DOK6: variants seen among roughly 807,000 people sequenced by gnomAD.
The protein encoded by DOK6 is downstream of tyrosine kinase 6.
A neutral mutation model predicts 44.0 loss-of-function variants in DOK6; 22 were observed. That is an observed-to-expected ratio of 0.50 (90% confidence interval 0.36 to 0.71). The LOEUF is 0.71. Among genes scored for constraint, DOK6 ranks in the 30% least tolerant of loss-of-function variants. DOK6 has a pLI of 0.00. For missense variants in DOK6, 340 were observed against 416.4 expected, an observed-to-expected ratio of 0.82 and a Z score of 1.60; for synonymous variants, 166 against 145.5, an observed-to-expected ratio of 1.14 and a Z score of -1.01.
At chr18:69,464,453 G>A (rs1979872274) in intron 1 of DOK6, among the ~76,000 whole-genome samples, 1 of 152,148 alleles carries the variant, frequency 6.6e-6, no homozygotes, top group Admixed American at 6.5e-5. Context: ...TGAAAATCTG[G>A]TGACAGCAGT....
chr18:69,829,962 A>C (rs1274264535), intron 7 of DOK6, among the ~76,000 whole-genome samples: 1 of 152,178 alleles, frequency 6.6e-6, no homozygotes, highest in African/African-American at 2.4e-5. Flanking sequence ...GTGACATATA[A>C]CAGCCATTAA....
At chr18:69,796,485 C>T (rs569031936) in intron 7 of DOK6, among the ~76,000 whole-genome samples, 30 of 152,280 alleles carry the variant, frequency 2.0e-4, no homozygotes, top group African/African-American at 6.5e-4. Flanking sequence ...GAGACAGCAG[C>T]ATCTTTGATG....
intron 1 of DOK6, among the ~76,000 whole-genome samples, chr18:69,454,966 G>A (rs1252479644): frequency 1.4e-5 from 2 of 141,932 alleles, no homozygotes; most frequent in African/African-American, 2.6e-5. Context: ...GCTAGATGAC[G>A]AGTTAGTGGG....
intron 1 of DOK6, among the ~76,000 whole-genome samples, chr18:69,429,439 T>C (rs1044069356): frequency 6.6e-6 from 1 of 151,732 alleles, no homozygotes; most frequent in African/African-American, 2.4e-5. Context: ...TTACTACACA[T>C]GGATATTTTA....
intron 1 of DOK6, among the ~76,000 whole-genome samples, chr18:69,417,176 CCTT>C (rs1284548273): frequency 2.6e-5 from 4 of 152,016 alleles, no homozygotes; most frequent in Admixed American, 6.6e-5. Flanking sequence ...TAGATCTTAT[CCTT>C]CTATCTAACT....
intron 7 of DOK6, among the ~76,000 whole-genome samples, chr18:69,811,524 T>TTA (rs57486782): frequency 1.6e-3 from 150 of 93,448 alleles, no homozygotes; most frequent in Non-Finnish European, 1.9e-3. Flanking sequence ...AACCATTCCA[T>TTA]TATATATATA....
At chr18:69,649,204 T>C (rs1985158958) in intron 3 of DOK6, among the ~76,000 whole-genome samples, 1 of 152,202 alleles carries the variant, frequency 6.6e-6, no homozygotes, top group Admixed American at 6.5e-5. Flanking sequence ...AAAAGGCTCA[T>C]CTAGTTACAG....
chr18:69,407,466 A>C (rs2122384304), intron 1 of DOK6, among the ~76,000 whole-genome samples: 1 of 152,342 alleles, frequency 6.6e-6, no homozygotes, highest in South Asian at 2.1e-4. Context: ...CTTTAGTCAC[A>C]GTATTTTCTG....
chr18:69,684,683 A>G (rs970214891), intron 4 of DOK6, among the ~76,000 whole-genome samples: 1 of 152,240 alleles, frequency 6.6e-6, no homozygotes, highest in Admixed American at 6.5e-5. Context: ...TGCTTATATC[A>G]TCCTGTATAA....
intron 6 of DOK6, among the ~76,000 whole-genome samples, chr18:69,746,236 T>G (rs981961904): frequency 3.3e-5 from 5 of 152,300 alleles, no homozygotes; most frequent in African/African-American, 1.2e-4. Flanking sequence ...GAAAGTATTT[T>G]GGTCCATACA....
rs550108601 is a variant in DOK6 at position 69,633,588 on chromosome 18, A to C, written c.289+34090A>C. On this transcript the variant is annotated intron_variant, in intron 3 of 7. Coordinates refer to ENST00000382713, the MANE Select transcript of DOK6 (RefSeq NM_152721.6). Reference sequence around the variant, plus strand: ...TGAAGGGGGATTTCAAATTTAGTAAAACTAATCAAAAATTTCCTATTTTGT... The same window carrying C: ...TGAAGGGGGATTTCAAATTTAGTAACACTAATCAAAAATTTCCTATTTTGT... 4.6e-5 allele frequency among the ~76,000 whole-genome samples: 7 copies of C among 152,284 alleles called. No homozygotes were observed. The East Asian group carries it at 5.8e-4, about 13-fold the overall frequency.
intron 7 of DOK6, among the ~76,000 whole-genome samples, chr18:69,803,783 C>T (rs575107294): frequency 2.6e-5 from 4 of 152,104 alleles, no homozygotes; most frequent in South Asian, 2.1e-4. Context: ...CACTTGAACC[C>T]GGGAGGCAGA....
At chr18:69,608,383 T>C (rs8087573) in intron 3 of DOK6, among the ~76,000 whole-genome samples, 53,884 of 152,062 alleles carry the variant, frequency 0.35, 9,726 homozygotes, top group Middle Eastern at 0.52. Flanking sequence ...TTCACGCCAG[T>C]ATTAAACTGT....
chr18:69,464,305 C>A (rs1979867860), intron 1 of DOK6, among the ~76,000 whole-genome samples: 1 of 152,128 alleles, frequency 6.6e-6, no homozygotes. Flanking sequence ...TTGGCAAAAG[C>A]TTGTCTGGGG....
chr18:69,513,986 T>G (rs143279015), intron 1 of DOK6, among the ~76,000 whole-genome samples: 11 of 152,236 alleles, frequency 7.2e-5, no homozygotes, highest in African/African-American at 2.6e-4. Context: ...TATTTTAGCT[T>G]CTTGTCAATG....
At chr18:69,577,061 A>G (rs181918945) in intron 2 of DOK6, among the ~76,000 whole-genome samples, 128 of 152,274 alleles carry the variant, frequency 8.4e-4, no homozygotes, top group Middle Eastern at 3.4e-3. Flanking sequence ...CCCAACACTG[A>G]AAACATCATT....
chr18:69,683,231 C>T (rs1195175758), intron 4 of DOK6, among the ~76,000 whole-genome samples: 1 of 151,936 alleles, frequency 6.6e-6, no homozygotes, highest in Admixed American at 6.6e-5. Context: ...ATGCTCTAGT[C>T]TTGCCCAAAG....
intron 1 of DOK6, among the ~76,000 whole-genome samples, chr18:69,507,611 G>A (rs1981232019): frequency 6.6e-6 from 1 of 151,912 alleles, no homozygotes; most frequent in African/African-American, 2.4e-5. Flanking sequence ...CACATATTTG[G>A]TAAGATTTAA....
intron 6 of DOK6, among the ~76,000 whole-genome samples, chr18:69,745,667 C>T (rs1006197914): frequency 1.3e-5 from 2 of 152,146 alleles, no homozygotes; most frequent in Non-Finnish European, 2.9e-5. Context: ...TACAACAGAG[C>T]TATGTGACCT....
Sources: gnomAD v4.1 joint callset for allele counts (sites outside exome capture counted in the v4.1 genomes callset) on GRCh38, gnomAD v4.1.1 for gene constraint, MANE v1.5 for transcripts, NCBI Gene and HGNC (gene_info 2026-07-23, HGNC 2026-07-21) for gene names.